Variants in BSX observed in about 807,000 individuals in gnomAD.
The protein encoded by BSX is brain-specific homeobox protein homolog.
Under a neutral mutation model 16.9 loss-of-function variants are expected in BSX, and 12 were observed. The observed-to-expected ratio is 0.71, with a 90% CI of 0.46 to 1.15. The LOEUF (loss-of-function observed/expected upper bound fraction) is 1.15. Ranked by LOEUF, BSX falls within the 50% of genes most tolerant of loss-of-function variation. The probability of loss-of-function intolerance (pLI) is 0.00; values close to 1 mark genes in which losing one functional copy is unlikely to be tolerated. For synonymous variants in BSX, 160 were observed against 136.4 expected (o/e 1.17, Z -1.20); for missense variants, 292 against 311.8 (o/e 0.94, Z 0.48).
Position 122,977,899 on chromosome 11 carries a change from CG to C in BSX, c.460-9del. 6.2e-7 allele frequency: 1 copy of C among 1,612,998 alleles called. No individual in the cohort carries two copies. ...CTGGAACCACGTTTTCACCTGATTTCGGGGAGATAAAAATAAAATCATGTCA... is the reference window on the plus strand; with the variant it reads ...CTGGAACCACGTTTTCACCTGATTTCGGGAGATAAAAATAAAATCATGTCA... On this transcript the variant is annotated splice_polypyrimidine_tract_variant and intron_variant, in intron 2 of 2. Transcript: ENST00000343035. The surrounding 1 kb of genome is among the most constrained non-coding windows in gnomAD (Gnocchi z 4.5).
chr11:122,981,047 G>C (rs1047200091), intron 1 of BSX, among the ~76,000 whole-genome samples: 30 of 152,254 alleles, frequency 2.0e-4, no homozygotes, highest in African/African-American at 7.0e-4. Flanking sequence ...CCTCTGAGTG[G>C]GCAGAGGCGG....
chr11:122,977,736 G>A lies in BSX; in HGVS notation c.615C>T (p.Pro205=), dbSNP rs1864514797. ...ATAAEARLSL[P]AGPFVLTEPE... ...GCTCGGTCAGCACGAAGGGACCGGC[G>A]GGCAGGCTCAGCCGAGCCTCGGCGG... Residue 205 remains proline, a synonymous_variant, in exon 3 of 3, where the codon CCC becomes CCT. Transcript: ENST00000343035. The surrounding 1 kb of genome is among the most constrained non-coding windows in gnomAD (Gnocchi z 4.5). The A allele has an allele frequency of 1.2e-6, 2 of 1,610,316 alleles. No individual in the cohort carries two copies. The highest frequency in any genetic ancestry group is 3.3e-5 in the Admixed American group (2 of 59,968).
At chr11:122,978,966 T>C (rs1229380098) in intron 2 of BSX, among the ~76,000 whole-genome samples, 1 of 151,678 alleles carries the variant, frequency 6.6e-6, no homozygotes, top group Non-Finnish European at 1.5e-5. Context: ...CCACCACGCC[T>C]GACTAGTTTT....
intron 2 of BSX, among the ~76,000 whole-genome samples, chr11:122,978,276 G>C (rs924641003): frequency 5.3e-5 from 8 of 152,158 alleles, no homozygotes; most frequent in African/African-American, 1.9e-4. Context: ...CGTTCTCATC[G>C]GAGAGAAAAT....
intron 1 of BSX, among the ~76,000 whole-genome samples, chr11:122,980,887 A>C (rs564351990): frequency 2.5e-3 from 381 of 152,060 alleles, no homozygotes; most frequent in Non-Finnish European, 3.5e-3. Context: ...TGTCTTATTC[A>C]GGCTAGCCCA....
At position 122,980,551 on chromosome 11, in the gene BSX, G is replaced by A. The variant is rs182683754; in HGVS notation, c.262+859C>T. ...CGACCATGGTTGTTGCCGCCTCTGA[G>A]CTATGAGTCTGGACTCAACGAATTA... On this transcript the variant is annotated intron_variant, in intron 1 of 2. Coordinates refer to ENST00000343035, the MANE Select transcript of BSX (RefSeq NM_001098169.2). Among the ~76,000 whole-genome samples the A allele has an allele frequency of 2.1e-3, 319 of 152,242 alleles. 2 individuals carry two copies. The highest frequency in any genetic ancestry group is 7.2e-3 in the African/African-American group (300 of 41,538).
At chr11:122,981,371 C>T in intron 1 of BSX, 39 bp downstream of exon 1, 2 of 1,472,116 alleles carry the variant, frequency 1.4e-6, no homozygotes, top group Non-Finnish European at 1.8e-6. Flanking sequence ...AGAAGCCCTG[C>T]TCTCTCACTG....
rs1267007568 is a variant in BSX, at chr11:122,977,772, C to A, written c.579G>T (p.Glu193Asp). 1.2e-6 allele frequency: 2 copies of A among 1,613,496 alleles called. No individual in the cohort carries two copies. Among genetic ancestry groups the A allele is most frequent in the Non-Finnish European group, 8.5e-7 (1 of 1,179,706 alleles). Reference sequence around the variant, plus strand: ...GCCGAGCCTCGGCGGCGGTGGCGGCCTCTGAACCGCGGGGGCTGCCCTCGG... The same window carrying A: ...GCCGAGCCTCGGCGGCGGTGGCGGCATCTGAACCGCGGGGGCTGCCCTCGG... ...ESPEGSPRGS[E>D]AATAAEARLS... Residue 193 changes from glutamate to aspartate, a missense_variant, in exon 3 of 3, where the codon GAG becomes GAT. Physicochemically the swap from Glu to Asp is conservative, Grantham distance 45 (BLOSUM62 2). Around this residue, in one of 3 missense-constraint regions of BSX, gnomAD observed 107 missense variants for 97.1 expected, o/e 1.10. Transcript: ENST00000343035. This position sits in a 1 kb window ranked among gnomAD's most constrained non-coding sequence, Gnocchi z 4.5.
rs771854855 is a variant in BSX, at chr11:122,979,360, C to A, written c.360G>T (p.Ser120=). The change falls in exon 2 of 3, where the codon TCG becomes TCT. Residue 120 remains serine, a synonymous_variant. Coordinates refer to ENST00000343035, the MANE Select transcript of BSX (RefSeq NM_001098169.2). ...ACCTCTTCTCCAAGCCCGAGAGCTGCGAGTCAGAGAAAACCGTGCGGGCTT... is the reference window on the plus strand; with the variant it reads ...ACCTCTTCTCCAAGCCCGAGAGCTGAGAGTCAGAGAAAACCGTGCGGGCTT... ...RRKARTVFSD[S]QLSGLEKRFE... The A allele has an allele frequency of 1.2e-6, 2 of 1,614,120 alleles. No individual in the cohort carries two copies. Among genetic ancestry groups the A allele is most frequent in the East Asian group, 2.2e-5 (1 of 44,870 alleles).
At chr11:122,979,867 C>T (rs1349741245) in intron 1 of BSX, among the ~76,000 whole-genome samples, 1 of 152,126 alleles carries the variant, frequency 6.6e-6, no homozygotes, top group Non-Finnish European at 1.5e-5. Flanking sequence ...GTCCTGTCCC[C>T]AGCCCCCACC....
chr11:122,981,729 G>T lies in BSX; in HGVS notation c.-58C>A, dbSNP rs921361575. 24 of 1,500,378 alleles carry T rather than the reference G, an allele frequency of 1.6e-5. No individual in the cohort carries two copies. The highest frequency in any genetic ancestry group is 2.1e-5 in the Non-Finnish European group (23 of 1,121,950). 92.9% of individuals were successfully genotyped at this position (1,500,378 alleles called of 1,614,324 possible). ...CGGGACGAAGTGGAGGACGCAGGCA[G>T]AGTCTCCAAGCCTGCTCGAAAGCCG... is the stretch of plus-strand genomic sequence containing the variant. On this transcript the variant is annotated 5_prime_UTR_variant, in exon 1 of 3. The change creates a new upstream start codon in the 5' untranslated region. Coordinates refer to ENST00000343035, the MANE Select transcript of BSX (RefSeq NM_001098169.2).
chr11:122,977,882 A>T lies in BSX; in HGVS notation c.469T>A (p.Trp157Arg). The change falls in exon 3 of 3, where the codon TGG (tryptophan) becomes AGG (arginine). Residue 157 changes from tryptophan (W) to arginine (R), a missense_variant. Trp to Arg is a moderately radical substitution (Grantham distance 101). This residue lies in a region of BSX where 9 missense variants were observed against 27.5 expected (regional missense o/e 0.33). Coordinates refer to ENST00000343035, the MANE Select transcript of BSX (RefSeq NM_001098169.2). This position sits in a 1 kb window ranked among gnomAD's most constrained non-coding sequence, Gnocchi z 4.5. Reference protein sequence around the residue: ...LSLSETQVKTWFQNRRMKHKK... With the variant: ...LSLSETQVKTRFQNRRMKHKK... ...TGCTTCATCCGCCGGTTCTGGAACC[A>T]CGTTTTCACCTGATTTCGGGGAGAT... The T allele has an allele frequency of 6.2e-7, 1 of 1,613,778 alleles. No individual in the cohort carries two copies. The highest frequency in any genetic ancestry group is 8.5e-7 in the Non-Finnish European group (1 of 1,179,950).
rs1009896463 is a variant in BSX at position 122,977,783 on chromosome 11, G to C, written c.568C>G (p.Arg190Gly). 1 of 1,613,544 alleles carries C rather than the reference G, an allele frequency of 6.2e-7. No homozygotes were observed. The change falls in exon 3 of 3, where the codon CGC becomes GGC. Residue 190 changes from arginine to glycine, a missense_variant. Coordinates refer to ENST00000343035, the MANE Select transcript of BSX (RefSeq NM_001098169.2). This position sits in a 1 kb window ranked among gnomAD's most constrained non-coding sequence, Gnocchi z 4.5. ...DGPESPEGSP[R>G]GSEAATAAEA... Reference sequence around the variant, plus strand: ...GCGGCGGTGGCGGCCTCTGAACCGCGGGGGCTGCCCTCGGGGCTTTCTGGC... The same window carrying C: ...GCGGCGGTGGCGGCCTCTGAACCGCCGGGGCTGCCCTCGGGGCTTTCTGGC...
intron 2 of BSX, among the ~76,000 whole-genome samples, chr11:122,978,742 G>A (rs1161697960): frequency 6.7e-6 from 1 of 150,048 alleles, no homozygotes; most frequent in African/African-American, 2.5e-5. Context: ...TTTTGCTTGG[G>A]TAAGTATGAC....
At chr11:122,980,743 G>A (rs1191737500) in intron 1 of BSX, among the ~76,000 whole-genome samples, 3 of 152,130 alleles carry the variant, frequency 2.0e-5, no homozygotes, top group Non-Finnish European at 4.4e-5. Flanking sequence ...TTTAGCACCC[G>A]GCTCCAGCAA....
At chr11:122,980,788 C>T (rs942675723) in intron 1 of BSX, among the ~76,000 whole-genome samples, 7 of 152,150 alleles carry the variant, frequency 4.6e-5, no homozygotes, top group African/African-American at 1.7e-4. Flanking sequence ...GTAGCCCAGA[C>T]TAAGATTGTG....
At position 122,981,787 on chromosome 11, in the gene BSX, C is replaced by G; in HGVS notation, c.-116G>C. ...CCCTCCGAGGCTCGAATCTCCGCTG[C>G]TCTCTCCCGGGCCTGGGCTACCCCG... On this transcript the variant is annotated 5_prime_UTR_variant, in exon 1 of 3. Transcript: ENST00000343035. 8.8e-7 allele frequency: 1 copy of G among 1,132,326 alleles called. No individual in the cohort carries two copies. The highest frequency in any genetic ancestry group is 1.6e-5 in the South Asian group (1 of 62,420). The allele number at this position is 1,132,326 out of a possible 1,614,324, so 70.1% of individuals were successfully genotyped here.
Position 122,977,865 on chromosome 11 carries a change from C to T in BSX, c.486G>A (p.Arg162=), listed in dbSNP as rs767073534. ...TQVKTWFQNR[R]MKHKKQLRKS... ...TCCGCAGTTGCTTTTTATGCTTCAT[C>T]CGCCGGTTCTGGAACCACGTTTTCA... Residue 162 remains arginine (R), a synonymous_variant, in exon 3 of 3, where the codon CGG becomes CGA. Coordinates refer to ENST00000343035, the MANE Select transcript of BSX (RefSeq NM_001098169.2). This position sits in a 1 kb window ranked among gnomAD's most constrained non-coding sequence, Gnocchi z 4.5. 4.3e-6 allele frequency: 7 copies of T among 1,613,874 alleles called. No homozygotes were observed. The highest frequency in any genetic ancestry group is 2.7e-5 in the African/African-American group (2 of 75,030).
chr11:122,979,578 T>A lies in BSX; in HGVS notation c.263-121A>T, dbSNP rs1358587541. ...CCTCCGCCCCTCGCCTCCGTCAGTCTGCTCGCCCCAAAGCCCCTCAAGCCT... is the reference window on the plus strand; with the variant it reads ...CCTCCGCCCCTCGCCTCCGTCAGTCAGCTCGCCCCAAAGCCCCTCAAGCCT... On this transcript the variant is annotated intron_variant, in intron 1 of 2. Transcript: ENST00000343035. The A allele has an allele frequency of 5.2e-6, 4 of 764,502 alleles. No homozygotes were observed. The Middle Eastern group carries it at 1.5e-3, about 295-fold the overall frequency. 47.4% of individuals were successfully genotyped at this position (764,502 alleles called of 1,614,324 possible).
Sources: allele counts gnomAD v4.1 joint callset (sites outside exome capture counted in the v4.1 genomes callset), GRCh38; gene constraint gnomAD v4.1.1; regional missense constraint gnomAD v4.1.1; non-coding constraint Gnocchi (gnomAD v3.1); transcripts MANE v1.5; gene names NCBI Gene and HGNC (gene_info 2026-07-23, HGNC 2026-07-21).